The following USP42 variants were observed in gnomAD, a reference collection of about 807,000 sequenced individuals.
The protein encoded by USP42 is ubiquitin carboxyl-terminal hydrolase 42.
In USP42, 23 loss-of-function variants were observed where a neutral mutation model predicts 113.0. The ratio of observed to expected loss-of-function variants is 0.20; its 90% CI spans 0.15 to 0.29. The LOEUF (loss-of-function observed/expected upper bound fraction) is 0.29. USP42 is among the 10% of genes least tolerant of loss of function. The pLI is 1.00. For missense variants in USP42, 2,174 were observed against 1,779.8 expected (o/e 1.22, Z -3.99); for synonymous variants, 933 against 699.0 (o/e 1.33, Z -5.28).
At chr7:6,125,622 T>C (rs78756863) in intron 3 of USP42, among the ~76,000 whole-genome samples, 2,031 of 152,358 alleles carry the variant, frequency 0.013, 29 homozygotes, top group Middle Eastern at 0.061. Context: ...TTTAAATTCA[T>C]TTTAAAAGTT....
At chr7:6,084,946 T>G in the USP42 span, among the ~76,000 whole-genome samples, 1 of 150,988 alleles carries the variant, frequency 6.6e-6, no homozygotes, top group South Asian at 2.1e-4. Flanking sequence ...CTTGAACTCC[T>G]GACCTCAGGT....
In USP42 at chr7:6,154,439, G is replaced by A; in HGVS notation, c.2885G>A (p.Ser962Asn). ...CGCAGCCGGAGAGAGCGCTCGTCCA[G>A]CGGGGAGCCCGCCAGAGAGAGCAGG... is the stretch of plus-strand genomic sequence containing the variant. ...HYRSRRERSS[S>N]GEPARESRSK... is the part of the protein sequence containing the mutation. Residue 962 changes from serine (S) to asparagine (N), a missense_variant, in exon 15 of 18, where the codon AGC (serine) becomes AAC (asparagine). Coordinates refer to ENST00000306177, the MANE Select transcript of USP42 (RefSeq NM_032172.3). 2.5e-6 allele frequency: 4 copies of A among 1,569,754 alleles called. No homozygotes were observed. Among genetic ancestry groups the A allele is most frequent in the Non-Finnish European group, 3.5e-6 (4 of 1,159,074 alleles).
At chr7:6,116,256 C>T (rs1320710062) in intron 3 of USP42, among the ~76,000 whole-genome samples, 1 of 152,174 alleles carries the variant, frequency 6.6e-6, no homozygotes. Flanking sequence ...TCACTGCCCG[C>T]AACCTCCTGG....
chr7:6,145,053 G>C (rs1481509807), intron 9 of USP42, among the ~76,000 whole-genome samples: 1 of 152,128 alleles, frequency 6.6e-6, no homozygotes, highest in Non-Finnish European at 1.5e-5. Flanking sequence ...AGGTGGCTAG[G>C]CCAGGTGCAG....
rs907267005 is a variant in USP42, at chr7:6,139,935, A to C, written c.657-193A>C. On this transcript the variant is annotated intron_variant, in intron 5 of 17. Transcript: ENST00000306177. The surrounding 1 kb of genome is among the most constrained non-coding windows in gnomAD (Gnocchi z 4.5). The stretch of plus-strand genomic sequence containing the variant: ...CCACAGCTCTGCGTCTCCTCCCGCC[A>C]CTCCCAGACCTCCCTGTGTTCTGGC... 4.9e-6 allele frequency: 3 copies of C among 615,282 alleles called. No homozygotes were observed. The highest frequency in any genetic ancestry group is 8.7e-6 in the Non-Finnish European group (3 of 343,642). The allele number at this position is 615,282 out of a possible 1,614,324, so 38.1% of individuals were successfully genotyped here. A position where few individuals can be genotyped will look rare whatever the true frequency, so the allele number is the denominator to read the frequency against.
chr7:6,133,917 G>A (rs1456824300), intron 3 of USP42, among the ~76,000 whole-genome samples: 8 of 131,886 alleles, frequency 6.1e-5, no homozygotes, highest in Admixed American at 3.8e-4. Context: ...TTGAGACAGC[G>A]TCTTGCTCTG....
chr7:6,146,827 G>A (rs1042775661), intron 11 of USP42, among the ~76,000 whole-genome samples: 4 of 152,156 alleles, frequency 2.6e-5, no homozygotes, highest in Admixed American at 6.5e-5. Context: ...CTTCTGCTGC[G>A]GGCAGTAATG....
At chr7:6,106,559 G>C (rs971883929) in intron 1 of USP42, among the ~76,000 whole-genome samples, 1 of 152,080 alleles carries the variant, frequency 6.6e-6, no homozygotes, top group African/African-American at 2.4e-5. Context: ...ATCCAACCTC[G>C]ATTCATGTTC....
chr7:6,132,766 G>A (rs1013816983), intron 3 of USP42, among the ~76,000 whole-genome samples: 4 of 152,012 alleles, frequency 2.6e-5, no homozygotes, highest in Non-Finnish European at 4.4e-5. Context: ...CCGCCTCCCG[G>A]GTTCACGCCA....
chr7:6,154,929 C>T lies in USP42; in HGVS notation c.3375C>T (p.Leu1125=), dbSNP rs1316874047. Residue 1125 remains leucine (L), a synonymous_variant, in exon 15 of 18, where the codon CTC becomes CTT. Transcript: ENST00000306177. ...SSPRAGAPHA[L]APHPDRFSHD... is the part of the protein sequence containing the mutation. ...CCCGCGCAGGCGCGCCCCACGCCCTCGCCCCGCACCCCGACCGCTTCTCCC... is the reference window on the plus strand; with the variant it reads ...CCCGCGCAGGCGCGCCCCACGCCCTTGCCCCGCACCCCGACCGCTTCTCCC... The T allele has an allele frequency of 2.4e-5, 37 of 1,550,636 alleles. No individual in the cohort carries two copies. Among genetic ancestry groups the T allele is most frequent in the Non-Finnish European group, 2.8e-5 (32 of 1,146,790 alleles).
At chr7:6,113,227 G>A (rs1470507679) in intron 2 of USP42, among the ~76,000 whole-genome samples, 1 of 152,002 alleles carries the variant, frequency 6.6e-6, no homozygotes, top group East Asian at 1.9e-4. Flanking sequence ...TGTGGGGGTG[G>A]GTGTTGCAGT....
At chr7:6,132,377 A>T in intron 3 of USP42, among the ~76,000 whole-genome samples, 1 of 151,506 alleles carries the variant, frequency 6.6e-6, no homozygotes. Flanking sequence ...TGTTTTTTTG[A>T]GACTGAGTTT....
intron 4 of USP42, among the ~76,000 whole-genome samples, chr7:6,138,699 C>T (rs1305960517): frequency 6.6e-6 from 1 of 152,200 alleles, no homozygotes; most frequent in Non-Finnish European, 1.5e-5. Flanking sequence ...GCTCCGCCTC[C>T]TGTCAGATCA....
chr7:6,145,691 C>T lies in USP42; in HGVS notation c.1131+35C>T, dbSNP rs773512015. 1.9e-6 allele frequency: 3 copies of T among 1,597,308 alleles called. No individual in the cohort carries two copies. In the African/African-American group the frequency reaches 4.0e-5, roughly 21 times the overall value. ...GCAGATTTGCTATTAACTATTGTTACATACATGCTATAAGACAGCAGTAGC... is the reference window on the plus strand; with the variant it reads ...GCAGATTTGCTATTAACTATTGTTATATACATGCTATAAGACAGCAGTAGC... On this transcript the variant is annotated intron_variant, in intron 10 of 17. Transcript: ENST00000306177.
At chr7:6,123,774 G>T (rs1199011862) in intron 3 of USP42, among the ~76,000 whole-genome samples, 1 of 150,578 alleles carries the variant, frequency 6.6e-6, no homozygotes, top group African/African-American at 2.4e-5. Flanking sequence ...CTTGAGCCAG[G>T]GAGTTGAAGG....
In USP42 at chr7:6,139,201, A is replaced by G. The variant is rs1466106254; in HGVS notation, c.656+7A>G. 2 of 1,582,438 alleles carry G rather than the reference A, an allele frequency of 1.3e-6. No individual in the cohort carries two copies. The highest frequency in any genetic ancestry group is 1.7e-4 in the Middle Eastern group (1 of 6,008). ...GCTTGAATGGCAGCAATAAGTAAGT[A>G]CAACAGAGCGCCAGCCATGTCTTCA... On this transcript the variant is annotated splice_region_variant and intron_variant, in intron 5 of 17. Coordinates refer to ENST00000306177, the MANE Select transcript of USP42 (RefSeq NM_032172.3). This position sits in a 1 kb window ranked among gnomAD's most constrained non-coding sequence, Gnocchi z 4.5.
intron 14 of USP42, chr7:6,152,940 G>A: frequency 2.0e-6 from 2 of 985,012 alleles, no homozygotes; most frequent in Non-Finnish European, 2.4e-6. Flanking sequence ...TGTCATCACT[G>A]GACTTTTTTT....
chr7:6,103,078 G>A (rs1790178537), upstream of USP42, among the ~76,000 whole-genome samples: 1 of 150,752 alleles, frequency 6.6e-6, no homozygotes, highest in African/African-American at 2.5e-5. Flanking sequence ...AGAATACCAG[G>A]TCCTTAATCA....
In USP42 at chr7:6,160,749, C is replaced by T. The variant is rs1362341771; in HGVS notation, c.*231C>T. On this transcript the variant is annotated 3_prime_UTR_variant, in exon 18 of 18. Transcript: ENST00000306177. ...GACGAACACTTTCTACCACTGCTGA[C>T]CATTGTAAAATACCGTGTATATAAA... The T allele has an allele frequency of 6.6e-6, 1 of 152,570 alleles. No homozygotes were observed. The highest frequency in any genetic ancestry group is 1.5e-5 in the Non-Finnish European group (1 of 68,048). 9.5% of individuals were successfully genotyped at this position (152,570 alleles called of 1,614,324 possible).
Sources: allele counts gnomAD v4.1 joint callset (sites outside exome capture counted in the v4.1 genomes callset), GRCh38; gene constraint gnomAD v4.1.1; non-coding constraint Gnocchi (gnomAD v3.1); transcripts MANE v1.5; gene names NCBI Gene and HGNC (gene_info 2026-07-23, HGNC 2026-07-21).